The following MOCOS variants were observed in gnomAD, a reference collection of about 807,000 sequenced individuals.
MOCOS encodes the protein human molybdenum cofactor sulfurase.
A neutral mutation model predicts 83.6 loss-of-function variants in MOCOS; 86 were observed. The ratio of observed to expected loss-of-function variants is 1.03; its 90% CI spans 0.86 to 1.23. The LOEUF (loss-of-function observed/expected upper bound fraction) is 1.23. Among genes scored for constraint, MOCOS ranks in the 50% most tolerant of loss-of-function variants. The pLI is 0.00. For missense variants in MOCOS, 1,120 were observed against 1,126.9 expected (o/e 0.99, Z 0.09); for synonymous variants, 445 against 434.7 (o/e 1.02, Z -0.29).
intron 8 of MOCOS, among the ~76,000 whole-genome samples, chr18:36,217,309 C>T (rs956650440): frequency 6.6e-5 from 10 of 152,226 alleles, no homozygotes; most frequent in African/African-American, 4.8e-5. Context: ...TGGAGTGAAA[C>T]GTTTATGGGA....
chr18:36,244,051 T>G (rs2091593867), intron 9 of MOCOS, among the ~76,000 whole-genome samples: 1 of 152,140 alleles, frequency 6.6e-6, no homozygotes, highest in Non-Finnish European at 1.5e-5. Flanking sequence ...GTTTTGTTTA[T>G]TTTTTCAAAG....
In MOCOS at chr18:36,213,630, G is replaced by A. The variant is rs942647995; in HGVS notation, c.1335+148G>A. 24 of 763,374 alleles carry A rather than the reference G, an allele frequency of 3.1e-5. No homozygotes were observed. The African/African-American group carries it at 3.4e-4, about 11-fold the overall frequency. 47.3% of individuals were successfully genotyped at this position (763,374 alleles called of 1,614,324 possible). A position where few individuals can be genotyped will look rare whatever the true frequency, so the allele number is the denominator to read the frequency against. The stretch of plus-strand genomic sequence containing the variant: ...TGTACAAAGGAAAAGGAATACAAAT[G>A]GAAAATGCTTCAAGAAGGCCGGGTG... On this transcript the variant is annotated intron_variant, in intron 7 of 14. Coordinates refer to ENST00000261326, the MANE Select transcript of MOCOS (RefSeq NM_017947.4).
At chr18:36,199,445 A>AT (rs779965997) in intron 3 of MOCOS, among the ~76,000 whole-genome samples, 67 of 152,212 alleles carry the variant, frequency 4.4e-4, no homozygotes, top group East Asian at 1.3e-3. Context: ...TTTATTGTGG[A>AT]TTTTTTGTCA....
intron 2 of MOCOS, among the ~76,000 whole-genome samples, chr18:36,195,677 T>C (rs1568048154): frequency 6.6e-6 from 1 of 152,176 alleles, no homozygotes; most frequent in Non-Finnish European, 1.5e-5. Flanking sequence ...GGAGGGATGT[T>C]AATTCAGTCA....
chr18:36,193,267 C>T lies in MOCOS; in HGVS notation c.143-1990C>T, dbSNP rs534500861. Reference sequence around the variant, plus strand: ...CGGAGCTTGCAGTGAGCCGAGATTGCGCCACTGCAGTCCGCAGTCCGGCCT... The same window carrying T: ...CGGAGCTTGCAGTGAGCCGAGATTGTGCCACTGCAGTCCGCAGTCCGGCCT... On this transcript the variant is annotated intron_variant, in intron 1 of 14. Transcript: ENST00000261326. Among the ~76,000 whole-genome samples, 9 of 132,654 alleles carry T rather than the reference C, an allele frequency of 6.8e-5. No homozygotes were observed. In the South Asian group the frequency reaches 7.4e-4, roughly 11 times the overall value. The allele number at this position is 132,654 out of a possible 152,430, so 87.0% of individuals were successfully genotyped here.
intron 2 of MOCOS, among the ~76,000 whole-genome samples, chr18:36,198,310 GC>G (rs1199499043): frequency 6.6e-6 from 1 of 152,164 alleles, no homozygotes; most frequent in Non-Finnish European, 1.5e-5. Context: ...GATCGCTTGA[GC>G]CCAGGAGTTT....
chr18:36,246,190 T>C (rs2091601411), intron 9 of MOCOS, among the ~76,000 whole-genome samples: 1 of 152,216 alleles, frequency 6.6e-6, no homozygotes, highest in African/African-American at 2.4e-5. Flanking sequence ...TTGATGGTGT[T>C]ATAGAACCTT....
intron 8 of MOCOS, among the ~76,000 whole-genome samples, chr18:36,219,009 C>T (rs1377729151): frequency 2.7e-5 from 4 of 150,462 alleles, no homozygotes; most frequent in African/African-American, 9.8e-5. Flanking sequence ...GCTAGGACTA[C>T]AGGCGCCTGC....
At chr18:36,195,023 A>T (rs2091381691) in intron 1 of MOCOS, among the ~76,000 whole-genome samples, 1 of 152,190 alleles carries the variant, frequency 6.6e-6, no homozygotes, top group Non-Finnish European at 1.5e-5. Context: ...AGGTTCACAA[A>T]AGAGTGAAGA....
At position 36,199,795 on chromosome 18, in the gene MOCOS, C is replaced by T; in HGVS notation, c.412C>T (p.Pro138Ser). 1.2e-6 allele frequency: 2 copies of T among 1,614,118 alleles called. No individual in the cohort carries two copies. Among genetic ancestry groups the T allele is most frequent in the South Asian group, 2.2e-5 (2 of 91,080 alleles). The change falls in exon 4 of 15, where the codon CCA becomes TCA. Residue 138 changes from proline (P) to serine (S), a missense_variant. Transcript: ENST00000261326. ...AEAFPWVSQG[P>S]ESSGSRFCYL... ...GGCCTTTCCATGGGTGTCCCAGGGCCCAGAGAGCAGTGGGAGTCGCTTCTG... is the reference window on the plus strand; with the variant it reads ...GGCCTTTCCATGGGTGTCCCAGGGCTCAGAGAGCAGTGGGAGTCGCTTCTG...
intron 9 of MOCOS, among the ~76,000 whole-genome samples, chr18:36,232,680 T>G (rs2091542814): frequency 6.6e-6 from 1 of 152,152 alleles, no homozygotes; most frequent in African/African-American, 2.4e-5. Flanking sequence ...TAACTACTAT[T>G]CTACTCTTTA....
intron 2 of MOCOS, among the ~76,000 whole-genome samples, chr18:36,197,186 C>T (rs2091391871): frequency 6.6e-6 from 1 of 152,164 alleles, no homozygotes; most frequent in Non-Finnish European, 1.5e-5. Flanking sequence ...TCAATTATTT[C>T]TGCAGGAAAG....
Position 36,268,917 on chromosome 18 carries a change from T to G in MOCOS, c.*232T>G. 6.2e-5 allele frequency: 35 copies of G among 561,344 alleles called. 2 individuals carry two copies. The South Asian group carries it at 7.5e-4, about 12-fold the overall frequency. The allele number at this position is 561,344 out of a possible 1,614,324, so 34.8% of individuals were successfully genotyped here. On this transcript the variant is annotated 3_prime_UTR_variant, in exon 15 of 15. Coordinates refer to ENST00000261326, the MANE Select transcript of MOCOS (RefSeq NM_017947.4). ...CTCAGGAACGAATGCTGCACCCACA[T>G]CCAGTGAGGCTCCTGTAGGTATTTG...
chr18:36,240,928 A>C (rs1195589108), intron 9 of MOCOS, among the ~76,000 whole-genome samples: 3 of 152,146 alleles, frequency 2.0e-5, no homozygotes, highest in Non-Finnish European at 4.4e-5. Flanking sequence ...TTCTTTGATT[A>C]GGAAAGGGAA....
chr18:36,246,625 G>A (rs115046782), intron 9 of MOCOS, among the ~76,000 whole-genome samples: 3,534 of 152,286 alleles, frequency 0.023, 112 homozygotes, highest in East Asian at 0.13. Flanking sequence ...TAGTGCGGTG[G>A]TTTTCTCAAA....
chr18:36,199,045 C>A (rs912153950), intron 3 of MOCOS, among the ~76,000 whole-genome samples: 26 of 152,164 alleles, frequency 1.7e-4, no homozygotes, highest in African/African-American at 5.6e-4. Context: ...GGAAGTGACC[C>A]AGGATCCTAG....
intron 1 of MOCOS, among the ~76,000 whole-genome samples, chr18:36,192,430 A>T (rs942516726): frequency 6.6e-6 from 1 of 152,264 alleles, no homozygotes; most frequent in African/African-American, 2.4e-5. Context: ...ATTGTAAAAC[A>T]TCATTGAAAG....
chr18:36,196,680 A>G (rs67828662), intron 2 of MOCOS, among the ~76,000 whole-genome samples: 22,365 of 151,914 alleles, frequency 0.15, 1,868 homozygotes, highest in East Asian at 0.32. Context: ...CTCCTTCTTT[A>G]ACCTTTGCAA....
At chr18:36,200,605 G>A (rs2091409870) in intron 4 of MOCOS, among the ~76,000 whole-genome samples, 1 of 152,206 alleles carries the variant, frequency 6.6e-6, no homozygotes, top group South Asian at 2.1e-4. Flanking sequence ...GAGATAAAAG[G>A]CCCTCATGGG....
Sources: gnomAD v4.1 joint callset for allele counts (sites outside exome capture counted in the v4.1 genomes callset) on GRCh38, gnomAD v4.1.1 for gene constraint, MANE v1.5 for transcripts, NCBI Gene and HGNC (gene_info 2026-07-23, HGNC 2026-07-21) for gene names.